The following SLC38A11 variants were observed in gnomAD, a reference collection of about 807,000 sequenced individuals.
SLC38A11 encodes solute carrier family 38 member 11.
In SLC38A11, 51 loss-of-function variants were observed where a neutral mutation model predicts 49.4. The observed-to-expected ratio is 1.03, with a 90% CI of 0.83 to 1.30. SLC38A11 has a LOEUF of 1.30. SLC38A11 is among the 50% of genes most tolerant of loss of function. The pLI is 0.00. For synonymous variants in SLC38A11, 203 were observed against 192.9 expected (o/e 1.05, Z -0.43); for missense variants, 574 against 556.2 (o/e 1.03, Z -0.32).
chr2:164,923,632 C>A (rs1559106273), intron 7 of SLC38A11, among the ~76,000 whole-genome samples: 1 of 151,378 alleles, frequency 6.6e-6, no homozygotes, highest in Non-Finnish European at 1.5e-5. Flanking sequence ...CCCATCTCTA[C>A]AAAATAAAAA....
intron 11 of SLC38A11, among the ~76,000 whole-genome samples, chr2:164,906,102 CA>C (rs200157978): frequency 1.7e-4 from 25 of 150,966 alleles, no homozygotes; most frequent in Admixed American, 1.3e-3. Context: ...AACTTGAAAA[CA>C]AAAAAAAATT....
intron 11 of SLC38A11, among the ~76,000 whole-genome samples, chr2:164,906,086 T>C (rs564071416): frequency 2.0e-5 from 3 of 152,270 alleles, no homozygotes; most frequent in South Asian, 4.1e-4. Context: ...ATGTGTGCAC[T>C]TGATTAACTT....
At chr2:164,906,593 C>T (rs1036338408) in intron 11 of SLC38A11, among the ~76,000 whole-genome samples, 14 of 151,802 alleles carry the variant, frequency 9.2e-5, no homozygotes, top group African/African-American at 2.4e-4. Context: ...ATTAAGTCAG[C>T]GCATTAATGT....
chr2:164,917,319 T>C (rs1245743771), intron 7 of SLC38A11, among the ~76,000 whole-genome samples: 1 of 152,198 alleles, frequency 6.6e-6, no homozygotes, highest in Non-Finnish European at 1.5e-5. Context: ...AAAAATCTTG[T>C]TTGTTGTCCA....
chr2:164,908,253 G>T (rs980548377), intron 11 of SLC38A11, among the ~76,000 whole-genome samples: 1 of 152,086 alleles, frequency 6.6e-6, no homozygotes, highest in Non-Finnish European at 1.5e-5. Context: ...ACATTTATGT[G>T]TTATAGTAAA....
intron 3 of SLC38A11, chr2:164,950,113 A>G (rs2105518667): frequency 6.6e-6 from 1 of 152,344 alleles, no homozygotes; most frequent in South Asian, 2.1e-4. Context: ...TAATGCAGCC[A>G]TAACGTGAAA....
At chr2:164,949,725 G>C (rs780895572) in intron 3 of SLC38A11, among the ~76,000 whole-genome samples, 7 of 152,214 alleles carry the variant, frequency 4.6e-5, no homozygotes, top group Non-Finnish European at 7.3e-5. Context: ...TGTCAGGCAG[G>C]AGGACTATCA....
At chr2:164,898,770 T>G in intron 11 of SLC38A11, 40 bp from the exon 12 acceptor site, 1 of 1,569,828 alleles carries the variant, frequency 6.4e-7, no homozygotes. Context: ...TGTCACTAGA[T>G]GGAAACATTC....
At position 164,955,323 on chromosome 2, in the gene SLC38A11, C is replaced by A; in HGVS notation, c.-76G>T. The A allele has an allele frequency of 7.3e-7, 1 of 1,367,742 alleles. No individual in the cohort carries two copies. The highest frequency in any genetic ancestry group is 1.0e-6 in the Non-Finnish European group (1 of 981,078). The allele number at this position is 1,367,742 out of a possible 1,614,324, so 84.7% of individuals were successfully genotyped here. On this transcript the variant is annotated 5_prime_UTR_variant, in exon 1 of 12. Coordinates refer to ENST00000685975, the MANE Select transcript of SLC38A11 (RefSeq NM_001351537.2). ...TTCGCACCCGGCCAGCCTCCTCCGCCACCTCGCACACAGCCGAGGTCCGCG... is the reference window on the plus strand; with the variant it reads ...TTCGCACCCGGCCAGCCTCCTCCGCAACCTCGCACACAGCCGAGGTCCGCG...
At chr2:164,949,097 C>A (rs1216949589) in intron 3 of SLC38A11, among the ~76,000 whole-genome samples, 2 of 151,574 alleles carry the variant, frequency 1.3e-5, no homozygotes, top group Admixed American at 1.3e-4. Flanking sequence ...TAATGTTCCT[C>A]ATTGCTATAG....
In SLC38A11 at chr2:164,908,628, G is replaced by T; in HGVS notation, c.1095+12C>A. 6.6e-7 allele frequency: 1 copy of T among 1,505,778 alleles called. No homozygotes were observed. Among genetic ancestry groups the T allele is most frequent in the Non-Finnish European group, 8.9e-7 (1 of 1,119,722 alleles). The allele number at this position is 1,505,778 out of a possible 1,614,324, so 93.3% of individuals were successfully genotyped here. A position where few individuals can be genotyped will look rare whatever the true frequency, so the allele number is the denominator to read the frequency against. On this transcript the variant is annotated intron_variant, in intron 11 of 11. Transcript: ENST00000685975. ...TTTTAGAGTGAAGGGGTAAATCTTTGCACGTACTCACATTGAGTTCTAGAA... is the reference window on the plus strand; with the variant it reads ...TTTTAGAGTGAAGGGGTAAATCTTTTCACGTACTCACATTGAGTTCTAGAA...
chr2:164,939,388 A>T, intron 6 of SLC38A11, 62 bp downstream of exon 6: 2 of 1,130,062 alleles, frequency 1.8e-6, no homozygotes, highest in Non-Finnish European at 2.6e-6. Context: ...TTTGCCAAGT[A>T]GACAGTAGAT....
chr2:164,922,635 A>G (rs1309094848), intron 7 of SLC38A11, among the ~76,000 whole-genome samples: 3 of 152,224 alleles, frequency 2.0e-5, no homozygotes, highest in Non-Finnish European at 4.4e-5. Flanking sequence ...GGAAGAATCA[A>G]TATCATTAAA....
At position 164,945,770 on chromosome 2, in the gene SLC38A11, CA is replaced by C. The variant is rs941720874; in HGVS notation, c.230-44del. ...ATTAAATGTCAGATTACATGTAATA[CA>C]AATATTTTTCATGTTTTAACTTAAT... On this transcript the variant is annotated intron_variant, in intron 3 of 11. Transcript: ENST00000685975. 5.8e-6 allele frequency: 9 copies of C among 1,564,860 alleles called. No homozygotes were observed. In the African/African-American group the frequency reaches 1.3e-4, roughly 22 times the overall value.
At chr2:164,945,453 T>A in intron 4 of SLC38A11, 140 bp downstream of exon 4, 2 of 744,944 alleles carry the variant, frequency 2.7e-6, no homozygotes, top group Non-Finnish European at 3.9e-6. Flanking sequence ...GAGAAAATGG[T>A]TAAAGAAGTA....
rs1004387964 is a variant in SLC38A11, at chr2:164,955,401, G to A, written c.-154C>T. Reference sequence around the variant, plus strand: ...TTCCACGGGCGCCCCCTGCTCCCTCGGCAGGCCGCGAGGGCTGCAGCCCCA... The same window carrying A: ...TTCCACGGGCGCCCCCTGCTCCCTCAGCAGGCCGCGAGGGCTGCAGCCCCA... On this transcript the variant is annotated 5_prime_UTR_variant, in exon 1 of 12. Coordinates refer to ENST00000685975, the MANE Select transcript of SLC38A11 (RefSeq NM_001351537.2). 7.4e-6 allele frequency: 5 copies of A among 678,340 alleles called. No individual in the cohort carries two copies. Among genetic ancestry groups the A allele is most frequent in the Non-Finnish European group, 1.3e-5 (5 of 394,878 alleles). 42.0% of individuals were successfully genotyped at this position (678,340 alleles called of 1,614,324 possible).
intron 8 of SLC38A11, chr2:164,915,491 T>C (rs1685718319): frequency 2.0e-6 from 1 of 495,600 alleles, no homozygotes; most frequent in Non-Finnish European, 3.5e-6. Context: ...ACTCTTGATA[T>C]AAACCAGGCC....
In SLC38A11 at chr2:164,944,573, TG is replaced by T; in HGVS notation, c.425del (p.Pro142GlnfsTer33). 7.5e-7 allele frequency: 1 copy of T among 1,330,504 alleles called. No individual in the cohort carries two copies. 82.4% of individuals were successfully genotyped at this position (1,330,504 alleles called of 1,614,324 possible). A position where few individuals can be genotyped will look rare whatever the true frequency, so the allele number is the denominator to read the frequency against. The stretch of plus-strand genomic sequence containing the variant: ...ACAATTTTTATTTTGGCTTACCTCC[TG>T]GGATTCTTTGAAAAACTTTGCTCAA... ...DTLSKVFQRI[P>X]GVDPENVFIG... On this transcript the variant is annotated frameshift_variant, in exon 5 of 12. Coordinates refer to ENST00000685975, the MANE Select transcript of SLC38A11 (RefSeq NM_001351537.2). LOFTEE classifies it high-confidence loss of function.
At position 164,898,696 on chromosome 2, in the gene SLC38A11, A is replaced by C. The variant is rs1452680925; in HGVS notation, c.1130T>G (p.Ile377Ser). ...CAGTTTCAGATAACAGGCTGATGGA[A>C]TGATAAAAATGAGGGGAGTTGCACA... is the stretch of plus-strand genomic sequence containing the variant. ...VLCATPLIFI[I>S]PSACYLKLSE... The change falls in exon 12 of 12, where the codon ATT becomes AGT. Residue 377 changes from isoleucine to serine, a missense_variant. Transcript: ENST00000685975. 1 of 1,613,408 alleles carries C rather than the reference A, an allele frequency of 6.2e-7. No homozygotes were observed.
Sources: allele counts gnomAD v4.1 joint callset (sites outside exome capture counted in the v4.1 genomes callset), GRCh38; gene constraint gnomAD v4.1.1; transcripts MANE v1.5; gene names NCBI Gene and HGNC (gene_info 2026-07-23, HGNC 2026-07-21).